SYN3: variants seen among roughly 807,000 people sequenced by gnomAD.
The protein encoded by SYN3 is synapsin-3.
SYN3 carries 35 observed loss-of-function variants against 65.8 expected under a neutral mutation model. The ratio of observed to expected loss-of-function variants is 0.53; its 90% CI spans 0.41 to 0.70. SYN3 has a LOEUF of 0.70. SYN3 is among the 30% of genes least tolerant of loss of function. SYN3 has a pLI of 0.00. For missense variants in SYN3, 680 were observed against 749.0 expected, an observed-to-expected ratio of 0.91 and a Z score of 1.08; for synonymous variants, 270 against 292.9, an observed-to-expected ratio of 0.92 and a Z score of 0.80.
rs545252360 is a variant in SYN3 at position 32,596,809 on chromosome 22, C to T, written c.712-73G>A. On this transcript the variant is annotated intron_variant, in intron 6 of 13. Transcript: ENST00000358763. The stretch of plus-strand genomic sequence containing the variant: ...ACCAAGGCTCTGGGTGCTGCTTGTT[C>T]CATAGAAAGATCCATTCATTTCATA... 549 of 1,454,284 alleles carry T rather than the reference C, an allele frequency of 3.8e-4. 1 individual carries two copies. In the Middle Eastern group the frequency reaches 5.9e-3, roughly 16 times the overall value. 90.1% of individuals were successfully genotyped at this position (1,454,284 alleles called of 1,614,324 possible). A position where few individuals can be genotyped will look rare whatever the true frequency, so the allele number is the denominator to read the frequency against.
chr22:32,766,502 A>G (rs543107583), intron 6 of SYN3, among the ~76,000 whole-genome samples: 1 of 152,296 alleles, frequency 6.6e-6, no homozygotes, highest in African/African-American at 2.4e-5. Flanking sequence ...TCATTTTCTC[A>G]ATGACCCACA....
chr22:32,569,567 C>CTATATATATATA (rs1225222696), intron 7 of SYN3, among the ~76,000 whole-genome samples: 5 of 64,442 alleles, frequency 7.8e-5, no homozygotes, highest in South Asian at 8.5e-4. Context: ...CTCTCTCTCT[C>CTATATATATATA]TCTCTATATA....
At chr22:33,026,637 G>C (rs1395644969) in intron 1 of SYN3, among the ~76,000 whole-genome samples, 1 of 152,210 alleles carries the variant, frequency 6.6e-6, no homozygotes, top group Non-Finnish European at 1.5e-5. Flanking sequence ...GAGTCCCAGT[G>C]TCTAGGCTCT....
At chr22:32,981,043 T>C (rs1386492464) in intron 2 of SYN3, among the ~76,000 whole-genome samples, 1 of 151,234 alleles carries the variant, frequency 6.6e-6, no homozygotes, top group African/African-American at 2.4e-5. Context: ...TTAGTAGAGA[T>C]GAGGTTTCAC....
intron 6 of SYN3, chr22:32,629,579 G>A (rs1014658650): frequency 4.6e-5 from 7 of 152,178 alleles, no homozygotes; most frequent in Non-Finnish European, 7.3e-5. Flanking sequence ...TGGCTTCCTG[G>A]GTCCAAACAC....
intron 6 of SYN3, among the ~76,000 whole-genome samples, chr22:32,690,565 T>C (rs4821088): frequency 0.9 from 137,476 of 152,158 alleles, 62,292 homozygotes; most frequent in African/African-American, 0.97. Flanking sequence ...CCTTTCCCTG[T>C]GCTCAGGAGC....
chr22:32,640,131 T>G (rs896678365), intron 6 of SYN3, among the ~76,000 whole-genome samples: 2 of 152,194 alleles, frequency 1.3e-5, no homozygotes, highest in African/African-American at 4.8e-5. Context: ...GGTGAAGGAC[T>G]ATACTGTCTT....
At chr22:32,549,969 C>T (rs923298035) in intron 7 of SYN3, among the ~76,000 whole-genome samples, 4 of 151,594 alleles carry the variant, frequency 2.6e-5, no homozygotes, top group Admixed American at 6.6e-5. Context: ...CGGGAGGTGA[C>T]GGGGATGGAG....
At chr22:32,623,188 T>C (rs1003888198) in intron 6 of SYN3, among the ~76,000 whole-genome samples, 1 of 151,790 alleles carries the variant, frequency 6.6e-6, no homozygotes, top group Non-Finnish European at 1.5e-5. Context: ...TTTTTTGTCA[T>C]AGTTTTTTTT....
chr22:32,761,630 G>A (rs2045483145), intron 6 of SYN3, among the ~76,000 whole-genome samples: 1 of 152,206 alleles, frequency 6.6e-6, no homozygotes, highest in Non-Finnish European at 1.5e-5. Flanking sequence ...ACCCCAGAAT[G>A]CAGTATAGTC....
chr22:32,800,871 C>T (rs1205343858), intron 6 of SYN3, among the ~76,000 whole-genome samples: 4 of 152,224 alleles, frequency 2.6e-5, no homozygotes. Context: ...GCGAGGATGG[C>T]ACTTCAGGGA....
chr22:32,779,651 AG>A (rs1291353653), intron 6 of SYN3, among the ~76,000 whole-genome samples: 1 of 152,124 alleles, frequency 6.6e-6, no homozygotes, highest in Non-Finnish European at 1.5e-5. Flanking sequence ...TGACTTACCC[AG>A]GGGCACTCAG....
chr22:33,041,015 A>G (rs1350648757), intron 1 of SYN3, among the ~76,000 whole-genome samples: 1 of 147,494 alleles, frequency 6.8e-6, no homozygotes, highest in Non-Finnish European at 1.5e-5. Context: ...CCCTGGTTCA[A>G]GCGATTCTCC....
intron 6 of SYN3, among the ~76,000 whole-genome samples, chr22:32,744,225 C>T (rs189852391): frequency 1.3e-5 from 2 of 152,276 alleles, no homozygotes; most frequent in East Asian, 1.9e-4. Flanking sequence ...CTCTTTCCCT[C>T]GTTGGGGACT....
intron 6 of SYN3, among the ~76,000 whole-genome samples, chr22:32,791,222 ATGTT>A (rs1262511635): frequency 6.6e-6 from 1 of 152,202 alleles, no homozygotes; most frequent in Non-Finnish European, 1.5e-5. Flanking sequence ...CGCTCAGTAA[ATGTT>A]AGTTACTTAT....
At chr22:32,864,871 C>T in intron 6 of SYN3, 44 bp downstream of exon 6, 1 of 1,543,440 alleles carries the variant, frequency 6.5e-7, no homozygotes, top group Non-Finnish European at 9.0e-7. Flanking sequence ...CATCTGTATT[C>T]ATTCCGCATC....
chr22:32,815,876 T>G (rs909555666), intron 6 of SYN3, among the ~76,000 whole-genome samples: 1 of 152,188 alleles, frequency 6.6e-6, no homozygotes, highest in African/African-American at 2.4e-5. Context: ...AGAGCTAGTA[T>G]TTGAGCAGGT....
rs73403269 is a variant in SYN3, at chr22:32,893,892, C to T, written c.462-24767G>A. On this transcript the variant is annotated intron_variant, in intron 4 of 13. Transcript: ENST00000358763. ...TGGCCCTCAGTCCTTCAACAGTGCACATTTGTTTCACAACTTGGTTTTCCA... is the reference window on the plus strand; with the variant it reads ...TGGCCCTCAGTCCTTCAACAGTGCATATTTGTTTCACAACTTGGTTTTCCA... Among the ~76,000 whole-genome samples, 1,190 of 152,220 alleles carry T rather than the reference C, an allele frequency of 7.8e-3. 21 individuals carry two copies. The highest frequency in any genetic ancestry group is 0.028 in the African/African-American group (1,154 of 41,526).
chr22:32,739,531 T>C (rs1044917646), intron 6 of SYN3, among the ~76,000 whole-genome samples: 1 of 152,296 alleles, frequency 6.6e-6, no homozygotes, highest in East Asian at 1.9e-4. Flanking sequence ...AGCACTGAAG[T>C]TACTTTAATC....
Sources: allele counts gnomAD v4.1 joint callset (sites outside exome capture counted in the v4.1 genomes callset), GRCh38; gene constraint gnomAD v4.1.1; transcripts MANE v1.5; gene names NCBI Gene and HGNC (gene_info 2026-07-23, HGNC 2026-07-21).